Variants in UBE2G2 observed in about 807,000 individuals in gnomAD.
UBE2G2 encodes ubiquitin conjugating enzyme E2 G2.
UBE2G2 carries 10 observed loss-of-function variants against 23.0 expected under a neutral mutation model. The observed-to-expected ratio is 0.43, with a 90% CI of 0.27 to 0.74. UBE2G2 has a LOEUF of 0.74. Among genes scored for constraint, UBE2G2 ranks in the 30% least tolerant of loss-of-function variants. The pLI, the probability that UBE2G2 is intolerant of heterozygous loss-of-function variation, is 0.19. For synonymous variants in UBE2G2, 86 were observed against 81.3 expected, an observed-to-expected ratio of 1.06 and a Z score of -0.31; for missense variants, 150 against 218.3, an observed-to-expected ratio of 0.69 and a Z score of 1.97.
chr21:44,800,215 T>A (rs1436245496), intron 1 of UBE2G2: 4 of 152,194 alleles, frequency 2.6e-5, no homozygotes, highest in African/African-American at 9.7e-5. Context: ...ATGCAAGATC[T>A]GCGAAGTGAA....
At position 44,771,345 on chromosome 21, in the gene UBE2G2, G is replaced by T; in HGVS notation, c.*32C>A. The stretch of plus-strand genomic sequence containing the variant: ...CCGGGGGAGAATGCTGAGCTGCTTG[G>T]CGGTGTGTGCGCGCCTGTGCGAGGC... On this transcript the variant is annotated 3_prime_UTR_variant, in exon 6 of 6. Transcript: ENST00000345496. This position sits in a 1 kb window ranked among gnomAD's most constrained non-coding sequence, Gnocchi z 4.6. The T allele has an allele frequency of 6.3e-7, 1 of 1,593,966 alleles. No homozygotes were observed. Among genetic ancestry groups the T allele is most frequent in the Non-Finnish European group, 8.6e-7 (1 of 1,164,728 alleles).
In UBE2G2 at chr21:44,772,476, GCCTTCCTTTCCCACAC is replaced by G. The variant is rs1569292202; in HGVS notation, c.386-1003_386-988del. ...TCTGCTCTTTCCTTTCGGACTTGCC[GCCTTCCTTTCCCACAC>G]CCTTCCTCCTGACTGCCCTGGAAGA... On this transcript the variant is annotated intron_variant, in intron 5 of 5. Coordinates refer to ENST00000345496, the MANE Select transcript of UBE2G2 (RefSeq NM_003343.6). This position sits in a 1 kb window ranked among gnomAD's most constrained non-coding sequence, Gnocchi z 5.4. Among the ~76,000 whole-genome samples the G allele has an allele frequency of 2.7e-5, 4 of 149,250 alleles. No homozygotes were observed. Among genetic ancestry groups the G allele is most frequent in the African/African-American group, 1.0e-4 (4 of 40,200 alleles).
chr21:44,779,201 C>A (rs2082937110), intron 3 of UBE2G2: 3 of 451,286 alleles, frequency 6.6e-6, no homozygotes, highest in South Asian at 1.6e-5. Context: ...CGGCTCATGG[C>A]CCTAGCAGGG....
rs73906924 is a variant in UBE2G2 at position 44,787,605 on chromosome 21, C to T, written c.125+315G>A. ...TACTTCTGGAAGCCAAAGCCACCTA[C>T]GCCATTTGAGGTTATTTTAACCACG... On this transcript the variant is annotated intron_variant, in intron 3 of 5. Transcript: ENST00000345496. Among the ~76,000 whole-genome samples, 1,102 of 152,308 alleles carry T rather than the reference C, an allele frequency of 7.2e-3. 14 individuals are homozygous for T. Among genetic ancestry groups the T allele is most frequent in the African/African-American group, 0.026 (1,072 of 41,544 alleles).
intron 3 of UBE2G2, among the ~76,000 whole-genome samples, chr21:44,779,718 C>G (rs1217566903): frequency 1.3e-5 from 2 of 152,230 alleles, no homozygotes; most frequent in Non-Finnish European, 2.9e-5. Context: ...ACGATAACCA[C>G]CACCCATTCA....
At chr21:44,787,626 C>T (rs1437979336) in intron 3 of UBE2G2, among the ~76,000 whole-genome samples, 1 of 152,200 alleles carries the variant, frequency 6.6e-6, no homozygotes, top group Admixed American at 6.5e-5. Flanking sequence ...GTTATTTTAA[C>T]CACGATCATA....
At chr21:44,778,260 T>G (rs2082928002) in intron 3 of UBE2G2, among the ~76,000 whole-genome samples, 1 of 152,250 alleles carries the variant, frequency 6.6e-6, no homozygotes, top group Admixed American at 6.5e-5. Context: ...AGAGCACATG[T>G]GATCACTGCT....
At chr21:44,773,403 G>A (rs2082888778) in intron 5 of UBE2G2, 144 bp downstream of exon 5, 1 of 1,073,670 alleles carries the variant, frequency 9.3e-7, no homozygotes, top group Non-Finnish European at 1.3e-6. Flanking sequence ...AAAAGTGTAG[G>A]CAGATAACAT....
intron 3 of UBE2G2, among the ~76,000 whole-genome samples, chr21:44,779,511 C>A (rs921570856): frequency 2.0e-5 from 3 of 151,908 alleles, no homozygotes; most frequent in Admixed American, 6.6e-5. Flanking sequence ...ATGAGTACCC[C>A]CCCCGGCCCA....
chr21:44,801,577 A>AG, intron 1 of UBE2G2, 129 bp downstream of exon 1: 2 of 1,290,518 alleles, frequency 1.5e-6, no homozygotes, highest in Non-Finnish European at 2.0e-6. Context: ...CGGGACCCAC[A>AG]GGGGGGCTCA....
At chr21:44,778,826 T>C (rs1555960926) in intron 3 of UBE2G2, among the ~76,000 whole-genome samples, 1 of 152,110 alleles carries the variant, frequency 6.6e-6, no homozygotes, top group African/African-American at 2.4e-5. Context: ...TCTGCTCCTC[T>C]AACAACAAAG....
chr21:44,799,808 G>C (rs781886171), intron 1 of UBE2G2, among the ~76,000 whole-genome samples: 2 of 152,208 alleles, frequency 1.3e-5, no homozygotes. Context: ...AGCCTATCTT[G>C]ACTTTCAACA....
At chr21:44,777,466 C>CCACAAATTCAAAGTACAATTCAACCAATT in intron 3 of UBE2G2, 49 bp from the exon 4 acceptor site, 4 of 1,564,626 alleles carry the variant, frequency 2.6e-6, no homozygotes, top group Non-Finnish European at 3.5e-6. Context: ...CATTTTTCAA[C>CCACAAATTCAAAGTACAATTCAACCAATT]GTCGACCACA....
chr21:44,770,268 T>C lies in UBE2G2; in HGVS notation c.*1109A>G, dbSNP rs1032288759. The C allele has an allele frequency of 4.0e-5, 6 of 149,928 alleles. No individual in the cohort carries two copies. The highest frequency in any genetic ancestry group is 3.3e-4 in the Admixed American group (5 of 15,208). The allele number at this position is 149,928 out of a possible 1,614,324, so 9.3% of individuals were successfully genotyped here. A position where few individuals can be genotyped will look rare whatever the true frequency, so the allele number is the denominator to read the frequency against. ...CAGTTTTTAGATTGAAAAAAAAAAA[T>C]TTTTTCTGTAGATCCAGAAGAAACT... is the stretch of plus-strand genomic sequence containing the variant. On this transcript the variant is annotated 3_prime_UTR_variant, in exon 6 of 6. Transcript: ENST00000345496.
At position 44,769,353 on chromosome 21, in the gene UBE2G2, A is replaced by C. The variant is rs1453576955; in HGVS notation, c.*2024T>G. On this transcript the variant is annotated 3_prime_UTR_variant, in exon 6 of 6. Transcript: ENST00000345496. The stretch of plus-strand genomic sequence containing the variant: ...CGCTCCTTTCCCCCATCTCCTTCCA[A>C]ATACGAGTTCTTGCCCTGCGTTCCA... The C allele has an allele frequency of 6.6e-6, 1 of 151,426 alleles. No individual in the cohort carries two copies. Among genetic ancestry groups the C allele is most frequent in the Non-Finnish European group, 1.5e-5 (1 of 68,168 alleles). 9.4% of individuals were successfully genotyped at this position (151,426 alleles called of 1,614,324 possible).
At chr21:44,797,889 G>A (rs530891398) in intron 1 of UBE2G2, among the ~76,000 whole-genome samples, 2 of 152,266 alleles carry the variant, frequency 1.3e-5, no homozygotes, top group East Asian at 3.9e-4. Context: ...TGAGGACACA[G>A]AAGTAATAGT....
chr21:44,775,683 A>G (rs2082907917), intron 4 of UBE2G2, among the ~76,000 whole-genome samples: 1 of 152,214 alleles, frequency 6.6e-6, no homozygotes, highest in South Asian at 2.1e-4. Flanking sequence ...TGTCACAGGT[A>G]TTGTTCTGAA....
intron 1 of UBE2G2, among the ~76,000 whole-genome samples, chr21:44,798,176 A>C (rs1205250214): frequency 6.6e-6 from 1 of 152,130 alleles, no homozygotes; most frequent in Non-Finnish European, 1.5e-5. Context: ...TAAATAAATA[A>C]TTATTATTTG....
chr21:44,788,287 G>GTTTTTTT lies in UBE2G2; in HGVS notation c.44-199_44-193dup, dbSNP rs71326069. The stretch of plus-strand genomic sequence containing the variant: ...GATAACAACTACACAAAGTTTTTTT[G>GTTTTTTT]TTTTTTTTTTGTTTTTTTTTGAGAC... On this transcript the variant is annotated intron_variant, in intron 1 of 5. Transcript: ENST00000345496. Among the ~76,000 whole-genome samples the GTTTTTTT allele has an allele frequency of 1.1e-4, 15 of 135,586 alleles. 2 individuals are homozygous for GTTTTTTT. The highest frequency in any genetic ancestry group is 1.4e-4 in the Non-Finnish European group (9 of 62,650). 88.9% of individuals were successfully genotyped at this position (135,586 alleles called of 152,430 possible). A position where few individuals can be genotyped will look rare whatever the true frequency, so the allele number is the denominator to read the frequency against.
Sources: allele counts gnomAD v4.1 joint callset (sites outside exome capture counted in the v4.1 genomes callset), GRCh38; gene constraint gnomAD v4.1.1; non-coding constraint Gnocchi (gnomAD v3.1); transcripts MANE v1.5; gene names NCBI Gene and HGNC (gene_info 2026-07-23, HGNC 2026-07-21).